The following CACNB2 variants were observed in gnomAD, a reference collection of about 807,000 sequenced individuals.
The protein encoded by CACNB2 is voltage-dependent L-type calcium channel subunit beta-2.
A neutral mutation model predicts 73.3 loss-of-function variants in CACNB2; 42 were observed. That is an observed-to-expected ratio of 0.57 (90% CI 0.45 to 0.74). The LOEUF (loss-of-function observed/expected upper bound fraction) is 0.74, where lower values mean the gene tolerates loss of function less well. CACNB2 is among the 30% of genes least tolerant of loss of function. The pLI is 0.00. For missense variants in CACNB2, 940 were observed against 853.0 expected, an observed-to-expected ratio of 1.10 and a Z score of -1.27; for synonymous variants, 348 against 310.3, an observed-to-expected ratio of 1.12 and a Z score of -1.28.
At chr10:18,471,762 C>T (rs1035165572) in intron 3 of CACNB2, among the ~76,000 whole-genome samples, 6 of 152,136 alleles carry the variant, frequency 3.9e-5, no homozygotes, top group Non-Finnish European at 8.8e-5. Context: ...CTTTCTGACT[C>T]AGAAGGGATC....
chr10:18,459,750 T>C (rs1371237818), intron 3 of CACNB2, among the ~76,000 whole-genome samples: 2 of 152,238 alleles, frequency 1.3e-5, no homozygotes, highest in African/African-American at 4.8e-5. Flanking sequence ...CTCACGCCTG[T>C]AATCCCAGCA....
At position 18,393,144 on chromosome 10, in the gene CACNB2, G is replaced by A. The variant is rs907043934; in HGVS notation, c.214-8780G>A. ...GAATCGCTTGAACCCGGGAAGCGGA[G>A]ATTGCAGTGAGCCGGGATCGCCCCA... On this transcript the variant is annotated intron_variant, in intron 2 of 13. Coordinates refer to ENST00000324631, the MANE Select transcript of CACNB2 (RefSeq NM_201596.3). 2.6e-5 allele frequency among the ~76,000 whole-genome samples: 4 copies of A among 151,390 alleles called. No individual in the cohort carries two copies. In the East Asian group the frequency reaches 5.8e-4, roughly 22 times the overall value.
intron 2 of CACNB2, among the ~76,000 whole-genome samples, chr10:18,287,850 AAAAAC>A (rs1373878918): frequency 6.6e-6 from 1 of 152,150 alleles, no homozygotes; most frequent in African/African-American, 2.4e-5. Flanking sequence ...ACCCTATCTC[AAAAAC>A]AAAACAAAAC....
chr10:18,269,040 G>A (rs1001429155), intron 2 of CACNB2, among the ~76,000 whole-genome samples: 3 of 152,148 alleles, frequency 2.0e-5, no homozygotes, highest in African/African-American at 7.2e-5. Context: ...TTAACTGTGG[G>A]TTAGGGTTAA....
At chr10:18,538,407 TAGAAAA>T (rs1564674896) in intron 13 of CACNB2, 42 bp downstream of exon 13, 10 of 1,588,616 alleles carry the variant, frequency 6.3e-6, no homozygotes, top group Non-Finnish European at 8.6e-6. Flanking sequence ...ACAATCTTCA[TAGAAAA>T]AAGGTTGCCT....
At chr10:18,220,620 T>G (rs1344824047) in intron 2 of CACNB2, among the ~76,000 whole-genome samples, 4 of 151,980 alleles carry the variant, frequency 2.6e-5, no homozygotes, top group African/African-American at 9.7e-5. Context: ...GGCAGCAGAC[T>G]AGTACTGGCT....
At chr10:18,159,385 G>A (rs1166779633) in intron 2 of CACNB2, among the ~76,000 whole-genome samples, 1 of 152,200 alleles carries the variant, frequency 6.6e-6, no homozygotes, top group African/African-American at 2.4e-5. Context: ...GGATTTTCAA[G>A]CGCCATTGTT....
At chr10:18,470,742 C>T (rs994027862) in intron 3 of CACNB2, among the ~76,000 whole-genome samples, 1 of 152,122 alleles carries the variant, frequency 6.6e-6, no homozygotes, top group Non-Finnish European at 1.5e-5. Context: ...CAGCGTCTGG[C>T]ACCTGGTAGG....
intron 3 of CACNB2, among the ~76,000 whole-genome samples, chr10:18,475,331 C>T (rs749890725): frequency 3.9e-5 from 6 of 152,016 alleles, no homozygotes; most frequent in Admixed American, 6.6e-5. Flanking sequence ...GGTGTTGGGG[C>T]GGAAAGTTCA....
At chr10:18,356,731 A>T (rs2041922983) in intron 2 of CACNB2, among the ~76,000 whole-genome samples, 1 of 151,934 alleles carries the variant, frequency 6.6e-6, no homozygotes, top group Admixed American at 6.6e-5. Context: ...CGAGGGCTCA[A>T]GCAATCCTCC....
chr10:18,222,413 C>A (rs1221459425), intron 2 of CACNB2, among the ~76,000 whole-genome samples: 1 of 92,282 alleles, frequency 1.1e-5, no homozygotes, highest in Non-Finnish European at 2.9e-5. Context: ...CACATACACA[C>A]ACACACACAC....
chr10:18,395,059 T>G (rs2043651793), intron 2 of CACNB2, among the ~76,000 whole-genome samples: 1 of 152,146 alleles, frequency 6.6e-6, no homozygotes, highest in Non-Finnish European at 1.5e-5. Flanking sequence ...GTCTCACATG[T>G]GTATTCCAGG....
At chr10:18,410,600 G>A (rs770322490) in intron 3 of CACNB2, among the ~76,000 whole-genome samples, 17 of 152,138 alleles carry the variant, frequency 1.1e-4, no homozygotes, top group Non-Finnish European at 1.8e-4. Flanking sequence ...TCTATAATGC[G>A]TATGTTCTTA....
At chr10:18,279,103 A>T (rs1360938658) in intron 2 of CACNB2, among the ~76,000 whole-genome samples, 2 of 152,136 alleles carry the variant, frequency 1.3e-5, no homozygotes, top group African/African-American at 4.8e-5. Flanking sequence ...TCCTTCACCC[A>T]TTTCTTATCA....
chr10:18,438,915 C>A (rs2046282561), intron 3 of CACNB2, among the ~76,000 whole-genome samples: 1 of 152,208 alleles, frequency 6.6e-6, no homozygotes, highest in Non-Finnish European at 1.5e-5. Context: ...AAGCAGAACA[C>A]ATCAGATTAA....
At chr10:18,396,112 A>G (rs111646368) in intron 2 of CACNB2, among the ~76,000 whole-genome samples, 4,004 of 151,930 alleles carry the variant, frequency 0.026, 65 homozygotes, top group Non-Finnish European at 0.038. Flanking sequence ...ACCTGCCACC[A>G]CGCCTGGCTA....
chr10:18,215,451 A>G (rs1179676372), intron 2 of CACNB2, among the ~76,000 whole-genome samples: 2 of 152,194 alleles, frequency 1.3e-5, no homozygotes, highest in Non-Finnish European at 2.9e-5. Context: ...AGGATTTGCA[A>G]AGAATTTTAA....
At chr10:18,494,878 C>T (rs1186382140) in intron 3 of CACNB2, among the ~76,000 whole-genome samples, 1 of 151,642 alleles carries the variant, frequency 6.6e-6, no homozygotes, top group Non-Finnish European at 1.5e-5. Flanking sequence ...CTGGGCAACA[C>T]AGCAATACCC....
chr10:18,503,916 A>G (rs370983530), intron 5 of CACNB2, among the ~76,000 whole-genome samples: 6 of 152,308 alleles, frequency 3.9e-5, no homozygotes, highest in African/African-American at 1.4e-4. Flanking sequence ...AGTATTTACT[A>G]AAATTGCTTT....
Sources: allele counts gnomAD v4.1 joint callset (sites outside exome capture counted in the v4.1 genomes callset), GRCh38; gene constraint gnomAD v4.1.1; transcripts MANE v1.5; gene names NCBI Gene and HGNC (gene_info 2026-07-23, HGNC 2026-07-21).